The following DCUN1D2 variants were observed in gnomAD, a reference collection of about 807,000 sequenced individuals.
DCUN1D2 encodes the protein defective in cullin neddylation 1 domain containing 2.
In DCUN1D2, 29 loss-of-function variants were observed where a neutral mutation model predicts 30.9. The observed-to-expected ratio is 0.94, with a 90% CI of 0.70 to 1.28. The LOEUF (loss-of-function observed/expected upper bound fraction) is 1.28, where lower values mean the gene tolerates loss of function less well. Ranked by LOEUF, DCUN1D2 falls within the 50% of genes most tolerant of loss-of-function variation. The pLI, the probability that DCUN1D2 is intolerant of heterozygous loss-of-function variation, is 0.00. For missense variants in DCUN1D2, 325 were observed against 316.9 expected, an observed-to-expected ratio of 1.03 and a Z score of -0.19; for synonymous variants, 121 against 115.3, an observed-to-expected ratio of 1.05 and a Z score of -0.32.
At chr13:113,460,772 G>A (rs2139675263) in intron 5 of DCUN1D2, among the ~76,000 whole-genome samples, 1 of 152,354 alleles carries the variant, frequency 6.6e-6, no homozygotes, top group South Asian at 2.1e-4. Context: ...GGCTGCTGGG[G>A]TTGCAGAGTC....
intron 2 of DCUN1D2, among the ~76,000 whole-genome samples, chr13:113,482,365 ATATT>A (rs1445685545): frequency 1.3e-5 from 2 of 152,254 alleles, no homozygotes; most frequent in Non-Finnish European, 1.5e-5. Context: ...GCTGCTGTAT[ATATT>A]TAAATAACTT....
chr13:113,469,144 G>GCACACACACA (rs151101835), intron 4 of DCUN1D2, among the ~76,000 whole-genome samples: 65 of 148,156 alleles, frequency 4.4e-4, no homozygotes, highest in East Asian at 2.4e-3. Context: ...CTACACGCCT[G>GCACACACACA]CACACACACA....
In DCUN1D2 at chr13:113,457,253, T is replaced by C. The variant is rs2044241082; in HGVS notation, c.*776A>G. 6.6e-6 allele frequency: 1 copy of C among 152,172 alleles called. No homozygotes were observed. Among genetic ancestry groups the C allele is most frequent in the South Asian group, 2.1e-4 (1 of 4,828 alleles). 9.4% of individuals were successfully genotyped at this position (152,172 alleles called of 1,614,324 possible). A position where few individuals can be genotyped will look rare whatever the true frequency, so the allele number is the denominator to read the frequency against. On this transcript the variant is annotated 3_prime_UTR_variant, in exon 7 of 7. Transcript: ENST00000478244. ...TGGAAAAATGTCTTTTTAAATGTAA[T>C]TAAAATATATTTTAAAAAAACATAC...
chr13:113,482,945 A>AACAC (rs375385163), intron 2 of DCUN1D2, among the ~76,000 whole-genome samples: 1 of 151,780 alleles, frequency 6.6e-6, no homozygotes, highest in East Asian at 1.9e-4. Flanking sequence ...CCGTCACATA[A>AACAC]ACACACACAC....
chr13:113,456,676 G>A lies in DCUN1D2; in HGVS notation c.*1353C>T. 1 of 277,176 alleles carries A rather than the reference G, an allele frequency of 3.6e-6. No individual in the cohort carries two copies. The highest frequency in any genetic ancestry group is 6.7e-6 in the Non-Finnish European group (1 of 149,196). 17.2% of individuals were successfully genotyped at this position (277,176 alleles called of 1,614,324 possible). Reference sequence around the variant, plus strand: ...GCACTCGTGGGTCCTCCTCAACCAGGCGGACACGAGAAACAGATGATAACA... The same window carrying A: ...GCACTCGTGGGTCCTCCTCAACCAGACGGACACGAGAAACAGATGATAACA... On this transcript the variant is annotated 3_prime_UTR_variant, in exon 7 of 7. Coordinates refer to ENST00000478244, the MANE Select transcript of DCUN1D2 (RefSeq NM_001014283.2).
At chr13:113,462,852 T>C in intron 4 of DCUN1D2, 1 of 1,257,958 alleles carries the variant, frequency 7.9e-7, no homozygotes, top group South Asian at 1.4e-5. Context: ...CAACTCATCT[T>C]AATGATGTAA....
In DCUN1D2 at chr13:113,489,774, G is replaced by C. The variant is rs576587608; in HGVS notation, c.3+893C>G. On this transcript the variant is annotated intron_variant, in intron 1 of 6. Transcript: ENST00000478244. The stretch of plus-strand genomic sequence containing the variant: ...GCCCCGGAACCTCACTTTTTCTCTG[G>C]CTAATTTCCAGAGAAATTCTCCACA... Among the ~76,000 whole-genome samples, 3 of 151,938 alleles carry C rather than the reference G, an allele frequency of 2.0e-5. No homozygotes were observed. The South Asian group carries it at 6.2e-4, about 32-fold the overall frequency.
chr13:113,468,589 G>T (rs983242453), intron 4 of DCUN1D2, among the ~76,000 whole-genome samples: 5 of 152,144 alleles, frequency 3.3e-5, no homozygotes, highest in Admixed American at 2.6e-4. Flanking sequence ...TGGTTTAAAC[G>T]CGAGACGTGC....
Position 113,490,438 on chromosome 13 carries a change from G to A in DCUN1D2, c.3+229C>T. The A allele has an allele frequency of 2.6e-6, 1 of 387,490 alleles. No homozygotes were observed. The highest frequency in any genetic ancestry group is 4.5e-6 in the Non-Finnish European group (1 of 223,516). 24.0% of individuals were successfully genotyped at this position (387,490 alleles called of 1,614,324 possible). ...GGCCCCCGCCCTCCGCTCACTCCCG[G>A]TCGTCCCTCGCGGCTCCGGGTCAAA... On this transcript the variant is annotated intron_variant, in intron 1 of 6. Transcript: ENST00000478244. This position sits in a 1 kb window ranked among gnomAD's most constrained non-coding sequence, Gnocchi z 5.2.
chr13:113,474,237 T>G lies in DCUN1D2; in HGVS notation c.407A>C (p.Lys136Thr). 1 of 1,614,022 alleles carries G rather than the reference T, an allele frequency of 6.2e-7. No homozygotes were observed. The highest frequency in any genetic ancestry group is 8.5e-7 in the Non-Finnish European group (1 of 1,179,896). The change falls in exon 4 of 7, where the codon AAG becomes ACG. Residue 136 changes from lysine (K) to threonine (T), a missense_variant. Physicochemically the swap from Lys to Thr is moderately conservative, Grantham distance 78. Transcript: ENST00000478244. ...CAGTCTTGGCAGAAGAGCCTTTAGC[T>G]TCTCCATGCTGTCACACCTGCGATG... ...MTELGCDSMEKLKALLPRLEQ... is the reference protein window; with the variant it reads ...MTELGCDSMETLKALLPRLEQ...
At chr13:113,489,043 T>A (rs759651209) in intron 1 of DCUN1D2, 78 of 883,314 alleles carry the variant, frequency 8.8e-5, no homozygotes, top group Non-Finnish European at 1.0e-4. Flanking sequence ...TACCCATATG[T>A]AAAATGGAAA....
At chr13:113,459,666 T>C (rs982560994) in intron 5 of DCUN1D2, 12 of 284,844 alleles carry the variant, frequency 4.2e-5, no homozygotes, top group African/African-American at 2.4e-4. Context: ...TTTTGTCACA[T>C]AGAAGGGCAG....
chr13:113,457,207 T>G lies in DCUN1D2; in HGVS notation c.*822A>C, dbSNP rs1319740100. On this transcript the variant is annotated 3_prime_UTR_variant, in exon 7 of 7. Coordinates refer to ENST00000478244, the MANE Select transcript of DCUN1D2 (RefSeq NM_001014283.2). ...GATTTTAAAATCTATAATTCATCACTCATAAAATAAATGTTTTTCATGGAA... is the reference window on the plus strand; with the variant it reads ...GATTTTAAAATCTATAATTCATCACGCATAAAATAAATGTTTTTCATGGAA... The G allele has an allele frequency of 6.6e-6, 1 of 152,184 alleles. No homozygotes were observed. Among genetic ancestry groups the G allele is most frequent in the Non-Finnish European group, 1.5e-5 (1 of 68,028 alleles). The allele number at this position is 152,184 out of a possible 1,614,324, so 9.4% of individuals were successfully genotyped here.
chr13:113,489,130 G>C (rs146986297), intron 1 of DCUN1D2: 2 of 981,628 alleles, frequency 2.0e-6, no homozygotes, highest in African/African-American at 3.5e-5. Flanking sequence ...AATAAACTAC[G>C]TAAGTTTATG....
chr13:113,475,958 C>T (rs1007282093), intron 3 of DCUN1D2: 2 of 152,412 alleles, frequency 1.3e-5, no homozygotes, highest in Non-Finnish European at 2.9e-5. Context: ...GTGCCTCTAG[C>T]TGGATGTAAT....
chr13:113,461,214 A>G lies in DCUN1D2; in HGVS notation c.521-78T>C, dbSNP rs1021969732. 12 of 858,232 alleles carry G rather than the reference A, an allele frequency of 1.4e-5. No homozygotes were observed. In the African/African-American group the frequency reaches 2.0e-4, roughly 15 times the overall value. 53.2% of individuals were successfully genotyped at this position (858,232 alleles called of 1,614,324 possible). A position where few individuals can be genotyped will look rare whatever the true frequency, so the allele number is the denominator to read the frequency against. ...GCACAAAAAACGACCACTTCTTAGC[A>G]TGTCAATATTTACTTAATAAAATGT... is the stretch of plus-strand genomic sequence containing the variant. On this transcript the variant is annotated intron_variant, in intron 4 of 6. Transcript: ENST00000478244.
At chr13:113,459,793 G>A (rs2044288940) in intron 5 of DCUN1D2, among the ~76,000 whole-genome samples, 1 of 152,140 alleles carries the variant, frequency 6.6e-6, no homozygotes, top group Non-Finnish European at 1.5e-5. Context: ...ATAGTTTTCT[G>A]CAACTTGTTT....
At chr13:113,468,500 C>T (rs1009688277) in intron 4 of DCUN1D2, among the ~76,000 whole-genome samples, 5 of 152,198 alleles carry the variant, frequency 3.3e-5, no homozygotes, top group African/African-American at 1.2e-4. Context: ...TGCTATTGAA[C>T]CGTACACTTA....
intron 4 of DCUN1D2, among the ~76,000 whole-genome samples, chr13:113,472,748 G>C (rs1407157907): frequency 6.6e-6 from 1 of 152,196 alleles, no homozygotes; most frequent in Non-Finnish European, 1.5e-5. Context: ...GACACTGCTG[G>C]TGTCCCTAGG....
Sources: allele counts gnomAD v4.1 joint callset (sites outside exome capture counted in the v4.1 genomes callset), GRCh38; gene constraint gnomAD v4.1.1; non-coding constraint Gnocchi (gnomAD v3.1); transcripts MANE v1.5; gene names NCBI Gene and HGNC (gene_info 2026-07-23, HGNC 2026-07-21).